Variants in NKAIN2 observed in about 807,000 individuals in gnomAD.
NKAIN2 encodes sodium/potassium transporting ATPase interacting 2.
NKAIN2 carries 14 observed loss-of-function variants against 32.6 expected under a neutral mutation model. The ratio of observed to expected loss-of-function variants is 0.43; its 90% CI spans 0.28 to 0.67. The LOEUF (loss-of-function observed/expected upper bound fraction) is 0.67. NKAIN2 is among the 30% of genes least tolerant of loss of function. The pLI is 0.17. For synonymous variants in NKAIN2, 80 were observed against 87.2 expected, an observed-to-expected ratio of 0.92 and a Z score of 0.46; for missense variants, 198 against 258.3, an observed-to-expected ratio of 0.77 and a Z score of 1.60.
intron 1 of NKAIN2, among the ~76,000 whole-genome samples, chr6:124,102,738 A>T (rs530436098): frequency 5.4e-4 from 82 of 152,264 alleles, no homozygotes; most frequent in African/African-American, 1.9e-3. Context: ...TTTCCTTTTT[A>T]AAAATTTTGT....
At chr6:124,082,379 T>C (rs1240117814) in intron 1 of NKAIN2, among the ~76,000 whole-genome samples, 3 of 152,134 alleles carry the variant, frequency 2.0e-5, no homozygotes, top group African/African-American at 7.2e-5. Context: ...TCTTTAATTC[T>C]GAAGTCATTC....
chr6:123,809,991 T>C (rs1048514173), intron 1 of NKAIN2, among the ~76,000 whole-genome samples: 5 of 152,208 alleles, frequency 3.3e-5, no homozygotes, highest in African/African-American at 1.2e-4. Flanking sequence ...AAATAATTTG[T>C]TATGCATTTA....
At chr6:124,278,575 C>T (rs952367184) in intron 1 of NKAIN2, among the ~76,000 whole-genome samples, 2 of 146,114 alleles carry the variant, frequency 1.4e-5, no homozygotes, top group Non-Finnish European at 3.0e-5. Context: ...TTTTCCAGCT[C>T]ATATAATAGC....
chr6:124,776,286 C>T (rs1343820788), intron 4 of NKAIN2, among the ~76,000 whole-genome samples: 2 of 152,114 alleles, frequency 1.3e-5, no homozygotes, highest in Non-Finnish European at 2.9e-5. Flanking sequence ...GTTTATTGTA[C>T]CCTACACTGG....
At chr6:124,197,837 G>GTTTTTTTTTTTT (rs71541243) in intron 1 of NKAIN2, among the ~76,000 whole-genome samples, 2 of 94,426 alleles carry the variant, frequency 2.1e-5, no homozygotes, top group Non-Finnish European at 2.2e-5. Flanking sequence ...CCTGTGTCTG[G>GTTTTTTTTTTTT]TTTTTTTTTT....
At chr6:124,358,493 T>C (rs1404204865) in intron 3 of NKAIN2, among the ~76,000 whole-genome samples, 1 of 152,158 alleles carries the variant, frequency 6.6e-6, no homozygotes, top group Non-Finnish European at 1.5e-5. Context: ...TGGTATCTCA[T>C]TGTGGTTTTG....
chr6:124,542,439 G>T (rs999619404), intron 3 of NKAIN2, among the ~76,000 whole-genome samples: 1 of 151,890 alleles, frequency 6.6e-6, no homozygotes, highest in Admixed American at 6.6e-5. Context: ...AAACAGATTC[G>T]AATAGGTGTC....
intron 5 of NKAIN2, among the ~76,000 whole-genome samples, chr6:124,797,802 G>T (rs1780067325): frequency 6.6e-6 from 1 of 151,956 alleles, no homozygotes; most frequent in Non-Finnish European, 1.5e-5. Flanking sequence ...TCAACCATGG[G>T]GGAGGGTAGA....
intron 3 of NKAIN2, among the ~76,000 whole-genome samples, chr6:124,644,856 T>C (rs1784113150): frequency 6.6e-6 from 1 of 152,224 alleles, no homozygotes; most frequent in Non-Finnish European, 1.5e-5. Context: ...TCCTGTTATA[T>C]TTAAAAGGGG....
In NKAIN2 at chr6:124,825,152, T is replaced by A. The variant is rs1781536713; in HGVS notation, c.*1923T>A. On this transcript the variant is annotated 3_prime_UTR_variant, in exon 7 of 7. Coordinates refer to ENST00000368417, the MANE Select transcript of NKAIN2 (RefSeq NM_001040214.3). ...AAATACTATACATGCCAGAAACTATTCTAATGTGACTTTTAATGTGACTAT... is the reference window on the plus strand; with the variant it reads ...AAATACTATACATGCCAGAAACTATACTAATGTGACTTTTAATGTGACTAT... 1 of 152,622 alleles carries A rather than the reference T, an allele frequency of 6.6e-6. No individual in the cohort carries two copies. Among genetic ancestry groups the A allele is most frequent in the African/African-American group, 2.4e-5 (1 of 41,446 alleles). 9.5% of individuals were successfully genotyped at this position (152,622 alleles called of 1,614,324 possible). A position where few individuals can be genotyped will look rare whatever the true frequency, so the allele number is the denominator to read the frequency against.
intron 4 of NKAIN2, among the ~76,000 whole-genome samples, chr6:124,669,291 T>C (rs1186621833): frequency 6.6e-6 from 1 of 152,176 alleles, no homozygotes; most frequent in African/African-American, 2.4e-5. Context: ...ACTGAGTGCC[T>C]CTGCCCTGCA....
chr6:124,809,745 G>A (rs1488952682), intron 5 of NKAIN2, among the ~76,000 whole-genome samples: 5 of 151,778 alleles, frequency 3.3e-5, no homozygotes, highest in Admixed American at 3.3e-4. Flanking sequence ...CTGACAAAGG[G>A]CTAATATCCA....
intron 4 of NKAIN2, among the ~76,000 whole-genome samples, chr6:124,724,349 C>G (rs555991477): frequency 2.6e-5 from 4 of 152,092 alleles, no homozygotes; most frequent in African/African-American, 7.2e-5. Context: ...AGTTTGCTCT[C>G]ACAGGGTATT....
At chr6:124,525,893 A>G (rs1027836206) in intron 3 of NKAIN2, among the ~76,000 whole-genome samples, 65 of 152,278 alleles carry the variant, frequency 4.3e-4, no homozygotes, top group African/African-American at 1.6e-3. Flanking sequence ...GCAAACAGAA[A>G]ATGGCCTTAA....
chr6:123,894,698 A>G (rs1176871905), intron 1 of NKAIN2, among the ~76,000 whole-genome samples: 1 of 152,088 alleles, frequency 6.6e-6, no homozygotes, highest in Non-Finnish European at 1.5e-5. Flanking sequence ...ATCATTAGTC[A>G]TTTATATCCC....
At chr6:124,706,060 T>C (rs777841937) in intron 4 of NKAIN2, among the ~76,000 whole-genome samples, 41 of 152,068 alleles carry the variant, frequency 2.7e-4, no homozygotes, top group East Asian at 1.9e-4. Flanking sequence ...ATGATAATGA[T>C]TGTAGGATCT....
chr6:124,369,765 G>A (rs1043594776), intron 3 of NKAIN2, among the ~76,000 whole-genome samples: 2 of 151,556 alleles, frequency 1.3e-5, no homozygotes. Flanking sequence ...TGTGATGGCT[G>A]TGTCAAAATC....
intron 1 of NKAIN2, among the ~76,000 whole-genome samples, chr6:124,259,155 T>C (rs1794100076): frequency 6.6e-6 from 1 of 152,232 alleles, no homozygotes; most frequent in Non-Finnish European, 1.5e-5. Context: ...TTGTTGATTC[T>C]GTACCATATG....
chr6:124,625,493 G>GAA (rs1174579439), intron 3 of NKAIN2, among the ~76,000 whole-genome samples: 3 of 152,190 alleles, frequency 2.0e-5, no homozygotes, highest in Non-Finnish European at 4.4e-5. Context: ...TTTATCTGGG[G>GAA]AAAGTCAGTT....
Sources: allele counts gnomAD v4.1 joint callset (sites outside exome capture counted in the v4.1 genomes callset), GRCh38; gene constraint gnomAD v4.1.1; transcripts MANE v1.5; gene names NCBI Gene and HGNC (gene_info 2026-07-23, HGNC 2026-07-21).